The following SFMBT1 variants were observed in gnomAD, a reference collection of about 807,000 sequenced individuals.
SFMBT1 encodes the protein Scm like with four mbt domains 1, also known as scm-like with four MBT domains protein 1.
SFMBT1 carries 32 observed loss-of-function variants against 108.7 expected under a neutral mutation model. That is an observed-to-expected ratio of 0.29 (90% CI 0.22 to 0.40). The LOEUF (loss-of-function observed/expected upper bound fraction) is 0.40. Among genes scored for constraint, SFMBT1 ranks in the 10% least tolerant of loss-of-function variants. SFMBT1 has a pLI of 1.00. For missense variants in SFMBT1, 816 were observed against 1,059.6 expected, an observed-to-expected ratio of 0.77 and a Z score of 3.19; for synonymous variants, 348 against 369.5, an observed-to-expected ratio of 0.94 and a Z score of 0.67.
At chr3:53,029,908 G>A (rs62255898) in intron 1 of SFMBT1, among the ~76,000 whole-genome samples, 40,930 of 151,712 alleles carry the variant, frequency 0.27, 6,078 homozygotes, top group Middle Eastern at 0.4. Context: ...TTGGGGGCAG[G>A]GAGGCTGGAG....
At chr3:52,986,319 C>G (rs781419212) in intron 1 of SFMBT1, among the ~76,000 whole-genome samples, 1 of 152,000 alleles carries the variant, frequency 6.6e-6, no homozygotes, top group Non-Finnish European at 1.5e-5. Context: ...CACATGTAAG[C>G]CACATTAAAT....
At chr3:52,922,651 A>C (rs1702553909) in intron 10 of SFMBT1, among the ~76,000 whole-genome samples, 1 of 152,228 alleles carries the variant, frequency 6.6e-6, no homozygotes, top group South Asian at 2.1e-4. Flanking sequence ...AGACAGTCAA[A>C]ACAAGGAGGA....
chr3:53,029,195 G>C (rs1452165672), intron 1 of SFMBT1, among the ~76,000 whole-genome samples: 3 of 129,722 alleles, frequency 2.3e-5, no homozygotes, highest in African/African-American at 3.3e-5. Context: ...AAAAAAAAAA[G>C]TCATGGGCTA....
chr3:53,023,141 G>C (rs913410903), intron 1 of SFMBT1, among the ~76,000 whole-genome samples: 2 of 152,160 alleles, frequency 1.3e-5, no homozygotes. Context: ...TTAAATGACA[G>C]CAGGGTCCTG....
intron 2 of SFMBT1, among the ~76,000 whole-genome samples, chr3:52,966,011 A>G: frequency 7.3e-6 from 1 of 137,480 alleles, no homozygotes; most frequent in Non-Finnish European, 1.6e-5. Context: ...GTTTCAAAAA[A>G]AAAAAAAAAA....
chr3:52,953,925 C>T (rs1048444801), intron 3 of SFMBT1, among the ~76,000 whole-genome samples: 18 of 152,010 alleles, frequency 1.2e-4, no homozygotes, highest in African/African-American at 3.9e-4. Context: ...GTCAGGAGAT[C>T]GAGACCATCC....
chr3:52,966,950 T>TTATATATA (rs374164813), intron 2 of SFMBT1, among the ~76,000 whole-genome samples: 2 of 146,704 alleles, frequency 1.4e-5, no homozygotes, highest in South Asian at 4.3e-4. Flanking sequence ...TTGTGATAAG[T>TTATATATA]TATATATATA....
intron 2 of SFMBT1, among the ~76,000 whole-genome samples, chr3:52,958,367 G>C (rs560588466): frequency 1.3e-5 from 2 of 152,308 alleles, no homozygotes; most frequent in South Asian, 4.1e-4. Context: ...GCGGCAGGCG[G>C]ACCACTTGAG....
At chr3:52,996,915 A>G (rs1185137955) in intron 1 of SFMBT1, among the ~76,000 whole-genome samples, 1 of 149,538 alleles carries the variant, frequency 6.7e-6, no homozygotes, top group Non-Finnish European at 1.5e-5. Context: ...TAAAAATACA[A>G]AAAATTAGCC....
intron 4 of SFMBT1, among the ~76,000 whole-genome samples, chr3:52,942,575 C>T (rs1052414540): frequency 1.3e-5 from 2 of 152,160 alleles, no homozygotes; most frequent in Non-Finnish European, 2.9e-5. Context: ...TGCAGTGGCG[C>T]GATCTCGGCT....
chr3:53,015,479 T>C (rs562718892), intron 1 of SFMBT1, among the ~76,000 whole-genome samples: 3 of 152,304 alleles, frequency 2.0e-5, no homozygotes, highest in East Asian at 1.9e-4. Context: ...AAAACTTGTA[T>C]AGCAATGTTC....
chr3:53,038,368 T>C (rs192546002), intron 1 of SFMBT1, among the ~76,000 whole-genome samples: 1 of 152,200 alleles, frequency 6.6e-6, no homozygotes, highest in Non-Finnish European at 1.5e-5. Flanking sequence ...TTCTTAAGAA[T>C]TGAATAGTAA....
intron 19 of SFMBT1, among the ~76,000 whole-genome samples, chr3:52,906,685 T>A (rs1702072628): frequency 6.6e-6 from 1 of 152,230 alleles, no homozygotes; most frequent in African/African-American, 2.4e-5. Flanking sequence ...TAGTAAATAA[T>A]ATATTAAGCC....
chr3:53,008,468 G>A (rs1437600986), intron 1 of SFMBT1, among the ~76,000 whole-genome samples: 1 of 152,110 alleles, frequency 6.6e-6, no homozygotes, highest in African/African-American at 2.4e-5. Flanking sequence ...TTTCCAACAA[G>A]AATGTTCTCT....
intron 1 of SFMBT1, among the ~76,000 whole-genome samples, chr3:53,006,556 G>C (rs1452118623): frequency 6.6e-6 from 1 of 151,162 alleles, no homozygotes; most frequent in Non-Finnish European, 1.5e-5. Flanking sequence ...TTGAACCCGG[G>C]AGACAGAGGT....
At chr3:52,951,893 T>G (rs889493996) in intron 3 of SFMBT1, among the ~76,000 whole-genome samples, 15 of 152,212 alleles carry the variant, frequency 9.9e-5, no homozygotes, top group African/African-American at 3.6e-4. Flanking sequence ...TGGCCAGTTT[T>G]GGGGCCAGTT....
intron 19 of SFMBT1, among the ~76,000 whole-genome samples, chr3:52,906,631 G>A (rs1702071440): frequency 1.3e-5 from 2 of 152,120 alleles, no homozygotes; most frequent in South Asian, 2.1e-4. Flanking sequence ...ACACTAAATT[G>A]TTCTTTAGTG....
At chr3:53,035,024 T>C (rs1450008805) in intron 1 of SFMBT1, among the ~76,000 whole-genome samples, 6 of 152,222 alleles carry the variant, frequency 3.9e-5, no homozygotes, top group East Asian at 3.8e-4. Flanking sequence ...TTGGGAGCAC[T>C]GCCTTAGCAG....
chr3:52,999,489 G>A (rs1048798510), intron 1 of SFMBT1, among the ~76,000 whole-genome samples: 1 of 150,354 alleles, frequency 6.7e-6, no homozygotes, highest in Non-Finnish European at 1.5e-5. Context: ...AGGAGCTCGG[G>A]ACATCGCAGG....
Sources: allele counts gnomAD v4.1 joint callset (sites outside exome capture counted in the v4.1 genomes callset), GRCh38; gene constraint gnomAD v4.1.1; transcripts MANE v1.5; gene names NCBI Gene and HGNC (gene_info 2026-07-23, HGNC 2026-07-21).